The following ASCC1 variants were observed in gnomAD, a reference collection of about 807,000 sequenced individuals.
ASCC1 encodes the protein activating signal cointegrator 1 complex subunit 1.
Under a neutral mutation model 46.6 loss-of-function variants are expected in ASCC1, and 35 were observed. The observed-to-expected ratio is 0.75, with a 90% CI of 0.57 to 0.99. ASCC1 has a LOEUF of 0.99. Among genes scored for constraint, ASCC1 ranks in the 50% least tolerant of loss-of-function variants. ASCC1 has a pLI of 0.00. For synonymous variants in ASCC1, 143 were observed against 146.6 expected (o/e 0.98, Z 0.18); for missense variants, 376 against 428.7 (o/e 0.88, Z 1.09).
At chr10:72,122,116 G>A (rs566813745) in intron 9 of ASCC1, among the ~76,000 whole-genome samples, 2 of 152,144 alleles carry the variant, frequency 1.3e-5, no homozygotes, top group African/African-American at 2.4e-5. Flanking sequence ...CCCAAAATAG[G>A]TGGAAATTAA....
chr10:72,109,348 C>T (rs1180380374), intron 9 of ASCC1, among the ~76,000 whole-genome samples: 1 of 152,186 alleles, frequency 6.6e-6, no homozygotes, highest in African/African-American at 2.4e-5. Flanking sequence ...GCTTGTGTGT[C>T]CCCAGAGCCC....
At chr10:72,105,005 G>A (rs538514350) in intron 9 of ASCC1, among the ~76,000 whole-genome samples, 5 of 152,196 alleles carry the variant, frequency 3.3e-5, no homozygotes, top group East Asian at 1.9e-4. Context: ...TGCCCATCCC[G>A]TCCCTTCTCC....
chr10:72,158,621 C>T (rs1849270039), intron 6 of ASCC1, among the ~76,000 whole-genome samples: 2 of 152,136 alleles, frequency 1.3e-5, no homozygotes, highest in Admixed American at 6.6e-5. Flanking sequence ...AAAAAACTAC[C>T]CCCAAATTTA....
chr10:72,154,429 T>G (rs769660358), intron 6 of ASCC1, among the ~76,000 whole-genome samples: 1 of 151,912 alleles, frequency 6.6e-6, no homozygotes, highest in African/African-American at 2.4e-5. Flanking sequence ...CCAGACAATA[T>G]GTGCCTCTTA....
chr10:72,211,042 T>C (rs187024308), intron 2 of ASCC1, among the ~76,000 whole-genome samples: 59 of 152,316 alleles, frequency 3.9e-4, no homozygotes, highest in African/African-American at 8.9e-4. Context: ...ATAATGACTA[T>C]TTTAAATCTT....
chr10:72,135,629 G>T (rs7897444), intron 7 of ASCC1, among the ~76,000 whole-genome samples: 15,843 of 152,060 alleles, frequency 0.1, 2,551 homozygotes, highest in African/African-American at 0.34. Context: ...GAGTGAGGTG[G>T]GAGCTTTTGG....
At chr10:72,114,563 T>A (rs1348403911) in intron 9 of ASCC1, among the ~76,000 whole-genome samples, 1 of 143,890 alleles carries the variant, frequency 6.9e-6, no homozygotes, top group East Asian at 2.0e-4. Context: ...AGGCGGAGCA[T>A]GCAGTGAACT....
intron 7 of ASCC1, among the ~76,000 whole-genome samples, chr10:72,134,861 A>G (rs1182061896): frequency 3.3e-5 from 5 of 152,226 alleles, no homozygotes; most frequent in Non-Finnish European, 2.9e-5. Flanking sequence ...ACTCGAGAAA[A>G]GAAAAAAAGC....
intron 5 of ASCC1, among the ~76,000 whole-genome samples, chr10:72,188,121 C>CTTTTT (rs1169395541): frequency 4.0e-5 from 5 of 124,428 alleles, no homozygotes; most frequent in African/African-American, 6.0e-5. Flanking sequence ...AATACTTCTT[C>CTTTTT]TTTTTTTTTT....
chr10:72,207,843 GCT>G (rs1409499244), intron 3 of ASCC1, among the ~76,000 whole-genome samples: 3 of 148,144 alleles, frequency 2.0e-5, no homozygotes, highest in Admixed American at 2.0e-4. Context: ...ACAGGATATT[GCT>G]CTGTCGCCCA....
intron 9 of ASCC1, among the ~76,000 whole-genome samples, chr10:72,121,681 T>C (rs529943865): frequency 3.3e-5 from 5 of 152,080 alleles, no homozygotes; most frequent in Non-Finnish European, 2.9e-5. Context: ...GATAAAAAGA[T>C]CAACTGTCCA....
intron 9 of ASCC1, among the ~76,000 whole-genome samples, chr10:72,117,004 G>T (rs1379349709): frequency 6.6e-6 from 1 of 151,138 alleles, no homozygotes; most frequent in Non-Finnish European, 1.5e-5. Flanking sequence ...ATGATCTCAG[G>T]TCACTGCAAC....
intron 2 of ASCC1, chr10:72,212,252 G>A (rs1485683873): frequency 1.0e-5 from 2 of 195,180 alleles, no homozygotes; most frequent in Non-Finnish European, 2.2e-5. Flanking sequence ...GGTAGAGGTT[G>A]CAGAGAGCCC....
intron 9 of ASCC1, among the ~76,000 whole-genome samples, chr10:72,107,444 C>G (rs1447391878): frequency 6.6e-6 from 1 of 151,888 alleles, no homozygotes; most frequent in Non-Finnish European, 1.5e-5. Flanking sequence ...CTGAGGAGAC[C>G]AAATGTGGGA....
chr10:72,099,698 T>TA (rs1241577214), intron 9 of ASCC1, among the ~76,000 whole-genome samples: 2 of 152,056 alleles, frequency 1.3e-5, no homozygotes, highest in Non-Finnish European at 2.9e-5. Flanking sequence ...CGCATGCCTG[T>TA]AATCGCAGCT....
chr10:72,134,861 A>AG (rs1245369490), intron 7 of ASCC1, among the ~76,000 whole-genome samples: 1 of 152,226 alleles, frequency 6.6e-6, no homozygotes, highest in Non-Finnish European at 1.5e-5. Context: ...ACTCGAGAAA[A>AG]GAAAAAAAGC....
At chr10:72,124,889 C>T (rs1275431362) in intron 9 of ASCC1, among the ~76,000 whole-genome samples, 1 of 152,094 alleles carries the variant, frequency 6.6e-6, no homozygotes, top group East Asian at 1.9e-4. Context: ...TATGTTTGTT[C>T]TTTTTCAGGT....
chr10:72,147,708 C>T (rs1399221098), intron 7 of ASCC1, among the ~76,000 whole-genome samples: 2 of 152,198 alleles, frequency 1.3e-5, no homozygotes, highest in African/African-American at 4.8e-5. Flanking sequence ...GCTCTCTGAA[C>T]TTCCCTGATC....
intron 7 of ASCC1, among the ~76,000 whole-genome samples, chr10:72,146,885 C>T (rs1290141611): frequency 2.0e-5 from 3 of 151,920 alleles, no homozygotes; most frequent in African/African-American, 7.3e-5. Flanking sequence ...ATCTTCATTA[C>T]ATGTATTTTA....
Sources: gnomAD v4.1 joint callset for allele counts (sites outside exome capture counted in the v4.1 genomes callset) on GRCh38, gnomAD v4.1.1 for gene constraint, MANE v1.5 for transcripts, NCBI Gene and HGNC (gene_info 2026-07-23, HGNC 2026-07-21) for gene names.